The following PHLDB1 variants were observed in gnomAD, a reference collection of about 807,000 sequenced individuals.
The protein encoded by PHLDB1 is pleckstrin homology like domain family B member 1, also known as pleckstrin homology-like domain family B member 1.
PHLDB1 carries 65 observed loss-of-function variants against 139.3 expected under a neutral mutation model. That is an observed-to-expected ratio of 0.47 (90% CI 0.38 to 0.57). PHLDB1 has a LOEUF of 0.57. PHLDB1 is among the 20% of genes least tolerant of loss of function. PHLDB1 has a pLI of 0.00. For synonymous variants in PHLDB1, 679 were observed against 734.5 expected, an observed-to-expected ratio of 0.92 and a Z score of 1.22; for missense variants, 1,624 against 1,839.7, an observed-to-expected ratio of 0.88 and a Z score of 2.14.
chr11:118,632,696 T>C lies in PHLDB1; in HGVS notation c.2379+400T>C, dbSNP rs1944992648. On this transcript the variant is annotated intron_variant, in intron 9 of 22. Coordinates refer to ENST00000600882, the MANE Select transcript of PHLDB1 (RefSeq NM_001144758.3). The surrounding 1 kb of genome is among the most constrained non-coding windows in gnomAD (Gnocchi z 5.9). ...CTCCCTCCAAGCATGCCACAAGTGC[T>C]TACGTTGTGATCTTTGGGAGATGGC... 4.8e-6 allele frequency: 1 copy of C among 210,218 alleles called. No homozygotes were observed. Among genetic ancestry groups the C allele is most frequent in the African/African-American group, 2.3e-5 (1 of 43,256 alleles). 13.0% of individuals were successfully genotyped at this position (210,218 alleles called of 1,614,324 possible). A position where few individuals can be genotyped will look rare whatever the true frequency, so the allele number is the denominator to read the frequency against.
rs781883926 is a variant in PHLDB1 at position 118,638,926 on chromosome 11, G to C, written c.2571G>C (p.Gln857His). 2.5e-6 allele frequency: 4 copies of C among 1,613,514 alleles called. No individual in the cohort carries two copies. The South Asian group carries it at 4.4e-5, about 18-fold the overall frequency. ...CCATCCTGGACAGTCAGGCTGGGCA[G>C]ATCCGGGCTCAGGCCGTGCAGGAAT... ...RLAILDSQAGQIRAQAVQESE... is the reference protein window; with the variant it reads ...RLAILDSQAGHIRAQAVQESE... The change falls in exon 11 of 23, where the codon CAG becomes CAC. Residue 857 changes from glutamine (Q) to histidine (H), a missense_variant. Gln to His is a conservative substitution (Grantham distance 24). Transcript: ENST00000600882.
At chr11:118,617,669 G>A (rs1045016636) in intron 4 of PHLDB1, among the ~76,000 whole-genome samples, 1 of 151,574 alleles carries the variant, frequency 6.6e-6, no homozygotes, top group Non-Finnish European at 1.5e-5. Flanking sequence ...TCCTGCCCTC[G>A]GGTAGGGGGC....
chr11:118,608,029 G>C lies in PHLDB1; in HGVS notation c.-22+330G>C, dbSNP rs1939448774. The stretch of plus-strand genomic sequence containing the variant: ...CTCTCCCGCCGGCACCCAGGCGGCC[G>C]GGCGGACACTCGCGGGGTATCGGGC... On this transcript the variant is annotated intron_variant, in intron 1 of 22. Coordinates refer to ENST00000600882, the MANE Select transcript of PHLDB1 (RefSeq NM_001144758.3). The surrounding 1 kb of genome is among the most constrained non-coding windows in gnomAD (Gnocchi z 6.7). 6.6e-6 allele frequency among the ~76,000 whole-genome samples: 1 copy of C among 152,084 alleles called. No individual in the cohort carries two copies. The highest frequency in any genetic ancestry group is 1.5e-5 in the Non-Finnish European group (1 of 67,980).
intron 18 of PHLDB1, among the ~76,000 whole-genome samples, chr11:118,649,656 G>A (rs1948075102): frequency 6.6e-6 from 1 of 152,134 alleles, no homozygotes; most frequent in Admixed American, 6.5e-5. Flanking sequence ...CGTTTTACAT[G>A]GAAGGAAACT....
In PHLDB1 at chr11:118,631,418, A is replaced by C. The variant is rs782797922; in HGVS notation, c.2039A>C (p.Glu680Ala). The C allele has an allele frequency of 6.8e-7, 1 of 1,466,264 alleles. No individual in the cohort carries two copies. The highest frequency in any genetic ancestry group is 9.0e-7 in the Non-Finnish European group (1 of 1,108,270). 90.8% of individuals were successfully genotyped at this position (1,466,264 alleles called of 1,614,324 possible). The change falls in exon 7 of 23, where the codon GAG (glutamate) becomes GCG (alanine). Residue 680 changes from glutamate to alanine, a missense_variant. By Grantham distance (107) the Glu-to-Ala change is moderately radical. Coordinates refer to ENST00000600882, the MANE Select transcript of PHLDB1 (RefSeq NM_001144758.3). Reference protein sequence around the residue: ...VATQRLWESMERSDEENLKEE... With the variant: ...VATQRLWESMARSDEENLKEE... ...ACCCAACGCCTATGGGAGAGTATGG[A>C]GCGCTCAGATGAGGAAAATCTCAAG...
chr11:118,643,844 C>G lies in PHLDB1; in HGVS notation c.2922C>G (p.Pro974=), dbSNP rs1555123719. 1 of 1,614,060 alleles carries G rather than the reference C, an allele frequency of 6.2e-7. No individual in the cohort carries two copies. ...KMDGEATSPL[P]RTRSGPLPSS... is the part of the protein sequence containing the mutation. ...ATGGCGAGGCCACCAGCCCCCTTCC[C>G]CGGACCCGCAGCGGCCCCCTCCCCT... The change falls in exon 14 of 23, where the codon CCC becomes CCG. Residue 974 remains proline, a synonymous_variant. Transcript: ENST00000600882.
At position 118,655,941 on chromosome 11, in the gene PHLDB1, C is replaced by T. The variant is rs782248125; in HGVS notation, c.3993+49C>T. ...ACCAGCACATTAACACCTCCTGTAC[C>T]CCACTCATCCCTGACCCTTGACCTC... On this transcript the variant is annotated intron_variant, in intron 22 of 22. Transcript: ENST00000600882. 6 of 1,350,660 alleles carry T rather than the reference C, an allele frequency of 4.4e-6. No homozygotes were observed. In the African/African-American group the frequency reaches 5.7e-5, roughly 13 times the overall value. 83.7% of individuals were successfully genotyped at this position (1,350,660 alleles called of 1,614,324 possible). A position where few individuals can be genotyped will look rare whatever the true frequency, so the allele number is the denominator to read the frequency against.
chr11:118,655,727 A>G, intron 21 of PHLDB1, 37 bp downstream of exon 21: 2 of 1,557,652 alleles, frequency 1.3e-6, no homozygotes, highest in Non-Finnish European at 1.8e-6. Flanking sequence ...GGCCAGAGGG[A>G]CAGCCATGGG....
Position 118,628,491 on chromosome 11 carries a change from C to G in PHLDB1, c.1668C>G (p.Pro556=), listed in dbSNP as rs782513975. 1.2e-6 allele frequency: 2 copies of G among 1,613,248 alleles called. No homozygotes were observed. The highest frequency in any genetic ancestry group is 2.2e-5 in the South Asian group (2 of 91,074). ...SLTGASPCQS[P]CVQRKLSSGD... is the part of the protein sequence containing the mutation. ...CTGGGGCTTCACCCTGCCAGAGTCCCTGTGTCCAGAGGAAGCTCTCCAGCG... is the reference window on the plus strand; with the variant it reads ...CTGGGGCTTCACCCTGCCAGAGTCCGTGTGTCCAGAGGAAGCTCTCCAGCG... Residue 556 remains proline, a synonymous_variant, in exon 6 of 23, where the codon CCC becomes CCG. Transcript: ENST00000600882.
intron 12 of PHLDB1, chr11:118,641,791 G>A (rs1555121003): frequency 7.8e-7 from 1 of 1,286,478 alleles, no homozygotes; most frequent in South Asian, 1.2e-5. Context: ...TAAGGTTGGT[G>A]GTTTGTGAGT....
At position 118,628,161 on chromosome 11, in the gene PHLDB1, G is replaced by C; in HGVS notation, c.1338G>C (p.Leu446=). The change falls in exon 6 of 23, where the codon CTG becomes CTC. Residue 446 remains leucine, a synonymous_variant. Coordinates refer to ENST00000600882, the MANE Select transcript of PHLDB1 (RefSeq NM_001144758.3). ...TGCAGCCTCCTGAGAGTCCCCGCCTGGGCCGGCGGGGCCTGGACAGTATGC... is the reference window on the plus strand; with the variant it reads ...TGCAGCCTCCTGAGAGTCCCCGCCTCGGCCGGCGGGGCCTGGACAGTATGC... ...RTLQPPESPR[L]GRRGLDSMRE... The C allele has an allele frequency of 1.9e-6, 3 of 1,614,092 alleles. No homozygotes were observed. Among genetic ancestry groups the C allele is most frequent in the Non-Finnish European group, 2.5e-6 (3 of 1,180,006 alleles).
At chr11:118,629,102 C>G (rs782734037) in intron 6 of PHLDB1, among the ~76,000 whole-genome samples, 6 of 152,222 alleles carry the variant, frequency 3.9e-5, no homozygotes, top group Admixed American at 2.0e-4. Flanking sequence ...GAACCCAGGT[C>G]CCCTGTCTGA....
At position 118,645,758 on chromosome 11, in the gene PHLDB1, A is replaced by G; in HGVS notation, c.3440A>G (p.Lys1147Arg). The G allele has an allele frequency of 6.2e-7, 1 of 1,613,776 alleles. No homozygotes were observed. Among genetic ancestry groups the G allele is most frequent in the South Asian group, 1.1e-5 (1 of 91,078 alleles). ...AGCGCGAGTGGTCTGGACATGGGGA[A>G]GATCGAGGAGATGGAGAAGATGCTG... ...MSSASGLDMG[K>R]IEEMEKMLKE... is the part of the protein sequence containing the mutation. Residue 1147 changes from lysine (K) to arginine (R), a missense_variant, in exon 17 of 23, where the codon AAG (lysine) becomes AGG (arginine). Coordinates refer to ENST00000600882, the MANE Select transcript of PHLDB1 (RefSeq NM_001144758.3). The surrounding 1 kb of genome is among the most constrained non-coding windows in gnomAD (Gnocchi z 5.1).
At chr11:118,640,019 C>T (rs782555036) in intron 12 of PHLDB1, 32 of 984,974 alleles carry the variant, frequency 3.2e-5, no homozygotes, top group East Asian at 1.1e-4. Context: ...TCACAGCTAA[C>T]TGCGTGCTCT....
intron 5 of PHLDB1, among the ~76,000 whole-genome samples, chr11:118,626,407 G>A (rs1490312462): frequency 2.0e-5 from 3 of 151,674 alleles, no homozygotes; most frequent in African/African-American, 4.8e-5. Flanking sequence ...GTTTTGAGAT[G>A]GAGTCTCACT....
At chr11:118,641,590 T>C in intron 12 of PHLDB1, 1 of 1,257,592 alleles carries the variant, frequency 8.0e-7, no homozygotes, top group Non-Finnish European at 1.0e-6. Context: ...TTATATTCCC[T>C]CCTGCGTCTG....
At position 118,650,413 on chromosome 11, in the gene PHLDB1, T is replaced by G; in HGVS notation, c.3772-32T>G. 6.9e-7 allele frequency: 1 copy of G among 1,440,266 alleles called. No homozygotes were observed. Among genetic ancestry groups the G allele is most frequent in the Non-Finnish European group, 9.8e-7 (1 of 1,021,172 alleles). 89.2% of individuals were successfully genotyped at this position (1,440,266 alleles called of 1,614,324 possible). ...CACTTAAGGCTTAAGGGCTGCATAT[T>G]TGGGTCCTTCCTTACTCCTGCTTCC... On this transcript the variant is annotated intron_variant, in intron 19 of 22. Coordinates refer to ENST00000600882, the MANE Select transcript of PHLDB1 (RefSeq NM_001144758.3). The surrounding 1 kb of genome is among the most constrained non-coding windows in gnomAD (Gnocchi z 4.7).
intron 6 of PHLDB1, among the ~76,000 whole-genome samples, chr11:118,630,673 C>T (rs1351039736): frequency 1.3e-5 from 2 of 152,064 alleles, no homozygotes; most frequent in East Asian, 1.9e-4. Context: ...TCTGTACTTG[C>T]CTATTAATGC....
At chr11:118,639,059 C>G in intron 11 of PHLDB1, 58 bp downstream of exon 11, 1 of 1,551,970 alleles carries the variant, frequency 6.4e-7, no homozygotes, top group Non-Finnish European at 8.9e-7. Flanking sequence ...GAGGGGAGTG[C>G]AGAAGGACTG....
Sources: gnomAD v4.1 joint callset for allele counts (sites outside exome capture counted in the v4.1 genomes callset) on GRCh38, gnomAD v4.1.1 for gene constraint, Gnocchi (gnomAD v3.1) non-coding constraint, MANE v1.5 for transcripts, NCBI Gene and HGNC (gene_info 2026-07-23, HGNC 2026-07-21) for gene names.